Variants in KIF6 observed in about 807,000 individuals in gnomAD.
KIF6 encodes kinesin-like protein KIF6.
Under a neutral mutation model 112.7 loss-of-function variants are expected in KIF6, and 106 were observed. That is an observed-to-expected ratio of 0.94 (90% CI 0.80 to 1.11). The LOEUF is 1.11. KIF6 is among the 50% of genes least tolerant of loss of function. The pLI, the probability that KIF6 is intolerant of heterozygous loss-of-function variation, is 0.00. For synonymous variants in KIF6, 339 were observed against 339.9 expected (o/e 1.00, Z 0.03); for missense variants, 929 against 964.0 (o/e 0.96, Z 0.48).
chr6:39,630,602 T>A (rs1013093266), intron 5 of KIF6, among the ~76,000 whole-genome samples: 1 of 152,182 alleles, frequency 6.6e-6, no homozygotes, highest in East Asian at 1.9e-4. Flanking sequence ...ATGTTCTACA[T>A]AGATAATTGA....
chr6:39,656,675 G>A (rs753991849), intron 3 of KIF6, among the ~76,000 whole-genome samples: 2 of 151,940 alleles, frequency 1.3e-5, no homozygotes, highest in African/African-American at 2.4e-5. Flanking sequence ...TGTGTAGAAG[G>A]CCAAGTCATC....
At chr6:39,477,862 A>G (rs1191458473) in intron 13 of KIF6, among the ~76,000 whole-genome samples, 1 of 152,148 alleles carries the variant, frequency 6.6e-6, no homozygotes, top group African/African-American at 2.4e-5. Context: ...CTCTGTCTCA[A>G]AAAAATAAAT....
Position 39,342,834 on chromosome 6 carries a change from A to T in KIF6, c.2428+875T>A, listed in dbSNP as rs1763417452. ...GTTGCGGCGCTCCATCCATGCACAA[A>T]CCTCTTCCTGCCCAAACTGCACACG... is the stretch of plus-strand genomic sequence containing the variant. On this transcript the variant is annotated intron_variant, in intron 22 of 22. Transcript: ENST00000287152. This position sits in a 1 kb window ranked among gnomAD's most constrained non-coding sequence, Gnocchi z 4.7. 1 of 984,730 alleles carries T rather than the reference A, an allele frequency of 1.0e-6. No individual in the cohort carries two copies. Among genetic ancestry groups the T allele is most frequent in the South Asian group, 4.7e-5 (1 of 21,256 alleles). 61.0% of individuals were successfully genotyped at this position (984,730 alleles called of 1,614,324 possible).
intron 5 of KIF6, among the ~76,000 whole-genome samples, chr6:39,616,020 C>A (rs546626801): frequency 6.6e-6 from 1 of 152,212 alleles, no homozygotes; most frequent in Non-Finnish European, 1.5e-5. Context: ...CACCTAATAC[C>A]TATATCTCTC....
At chr6:39,526,632 A>G (rs1289827079) in intron 13 of KIF6, among the ~76,000 whole-genome samples, 2 of 152,202 alleles carry the variant, frequency 1.3e-5, no homozygotes, top group African/African-American at 4.8e-5. Context: ...TTTATCAGGT[A>G]TCATTTATTC....
At chr6:39,535,342 G>C (rs1778356528) in intron 13 of KIF6, among the ~76,000 whole-genome samples, 1 of 152,050 alleles carries the variant, frequency 6.6e-6, no homozygotes, top group South Asian at 2.1e-4. Flanking sequence ...GACACACATA[G>C]GCTCAAAATA....
chr6:39,594,260 T>C (rs1359847164), intron 7 of KIF6, among the ~76,000 whole-genome samples: 2 of 151,412 alleles, frequency 1.3e-5, no homozygotes, highest in East Asian at 1.9e-4. Context: ...GTGATTACAA[T>C]TGGTGGGAAG....
Position 39,613,209 on chromosome 6 carries a change from T to C in KIF6, c.619A>G (p.Thr207Ala). 1 of 1,599,442 alleles carries C rather than the reference T, an allele frequency of 6.3e-7. No individual in the cohort carries two copies. Residue 207 changes from threonine (T) to alanine (A), a missense_variant, in exon 6 of 23, where the codon ACC becomes GCC. Thr to Ala is a moderately conservative substitution (Grantham distance 58). This residue lies in a region of KIF6 where 688 missense variants were observed against 662.7 expected (regional missense o/e 1.04). Coordinates refer to ENST00000287152, the MANE Select transcript of KIF6 (RefSeq NM_145027.6). ...EALNLLFLGD[T>A]NRMIAETPMN... ...ATTACCTCTGCAATCATTCGGTTGG[T>C]GTCTCCTAAAAAAAGCAAATTCAGA...
chr6:39,361,420 G>A (rs773724847), intron 17 of KIF6, among the ~76,000 whole-genome samples: 20 of 151,944 alleles, frequency 1.3e-4, no homozygotes, highest in Non-Finnish European at 2.2e-4. Flanking sequence ...TTAGCTGGGT[G>A]TTGTGGTGCG....
chr6:39,379,755 G>A (rs1047483708), intron 16 of KIF6, among the ~76,000 whole-genome samples: 9 of 152,228 alleles, frequency 5.9e-5, no homozygotes, highest in Non-Finnish European at 8.8e-5. Context: ...TTTGAGGGCA[G>A]GCACTGGATA....
chr6:39,363,018 G>A (rs931401462), intron 16 of KIF6, among the ~76,000 whole-genome samples: 9 of 152,076 alleles, frequency 5.9e-5, no homozygotes, highest in Non-Finnish European at 1.2e-4. Context: ...GCGTGGTGGC[G>A]GGCGCCTATA....
chr6:39,609,680 T>A (rs920455538), intron 6 of KIF6, among the ~76,000 whole-genome samples: 11 of 152,200 alleles, frequency 7.2e-5, no homozygotes, highest in Non-Finnish European at 1.6e-4. Flanking sequence ...AGATTTCTTT[T>A]TTTGTCTACC....
chr6:39,498,684 G>C (rs1775932874), intron 13 of KIF6, among the ~76,000 whole-genome samples: 1 of 152,140 alleles, frequency 6.6e-6, no homozygotes, highest in African/African-American at 2.4e-5. Flanking sequence ...CCCACAGGGT[G>C]TGGGCCACAG....
chr6:39,498,764 G>T (rs1775939455), intron 13 of KIF6, among the ~76,000 whole-genome samples: 1 of 152,062 alleles, frequency 6.6e-6, no homozygotes, highest in South Asian at 2.1e-4. Flanking sequence ...AAGAGGAGAT[G>T]ATAACTTTTT....
At chr6:39,613,149 A>G (rs200109915) in intron 6 of KIF6, 40 bp downstream of exon 6, 5 of 1,494,390 alleles carry the variant, frequency 3.3e-6, no homozygotes. Context: ...ACTGTATCTT[A>G]TAATGTTGAA....
chr6:39,722,995 C>A (rs1171886997), intron 1 of KIF6, among the ~76,000 whole-genome samples: 1 of 152,182 alleles, frequency 6.6e-6, no homozygotes, highest in African/African-American at 2.4e-5. Flanking sequence ...CTGAGCCCCA[C>A]CCCTACCCAT....
chr6:39,531,091 G>A (rs1047131619), intron 13 of KIF6, among the ~76,000 whole-genome samples: 1 of 151,756 alleles, frequency 6.6e-6, no homozygotes, highest in Non-Finnish European at 1.5e-5. Context: ...TTCCATTTGT[G>A]AGCCTACCTC....
chr6:39,402,502 A>T (rs1271863108), intron 15 of KIF6, among the ~76,000 whole-genome samples: 1 of 152,184 alleles, frequency 6.6e-6, no homozygotes, highest in Non-Finnish European at 1.5e-5. Flanking sequence ...TGGAACAGAG[A>T]TCAGAAAATC....
At chr6:39,496,190 T>G (rs538288912) in intron 13 of KIF6, among the ~76,000 whole-genome samples, 1 of 152,292 alleles carries the variant, frequency 6.6e-6, no homozygotes, top group South Asian at 2.1e-4. Flanking sequence ...GTGCCCACTA[T>G]CTACCGACAG....
Sources: gnomAD v4.1 joint callset for allele counts (sites outside exome capture counted in the v4.1 genomes callset) on GRCh38, gnomAD v4.1.1 for gene constraint, gnomAD v4.1.1 regional missense constraint, Gnocchi (gnomAD v3.1) non-coding constraint, MANE v1.5 for transcripts, NCBI Gene and HGNC (gene_info 2026-07-23, HGNC 2026-07-21) for gene names.